GAREM1: variants seen among roughly 807,000 people sequenced by gnomAD.
The protein encoded by GAREM1 is GRB2-associated and regulator of MAPK protein 1.
A neutral mutation model predicts 71.3 loss-of-function variants in GAREM1; 26 were observed. That is an observed-to-expected ratio of 0.36 (90% CI 0.27 to 0.51). The LOEUF (loss-of-function observed/expected upper bound fraction) is 0.51. Ranked by LOEUF, GAREM1 falls within the 20% of genes least tolerant of loss-of-function variation. GAREM1 has a pLI of 0.95. For missense variants in GAREM1, 1,026 were observed against 1,103.1 expected (o/e 0.93, Z 0.99); for synonymous variants, 440 against 433.2 (o/e 1.02, Z -0.20).
At chr18:32,293,615 A>T (rs1449229389) in intron 3 of GAREM1, among the ~76,000 whole-genome samples, 1 of 152,220 alleles carries the variant, frequency 6.6e-6, no homozygotes, top group Non-Finnish European at 1.5e-5. Flanking sequence ...TTTATATAAG[A>T]ATCATCAATA....
chr18:32,303,052 C>T (rs1326008812), intron 3 of GAREM1, among the ~76,000 whole-genome samples: 1 of 152,144 alleles, frequency 6.6e-6, no homozygotes, highest in Non-Finnish European at 1.5e-5. Flanking sequence ...GCAGAGGCAG[C>T]GACTGTATGC....
At chr18:32,272,197 T>C (rs1054337181) in intron 4 of GAREM1, among the ~76,000 whole-genome samples, 7 of 152,156 alleles carry the variant, frequency 4.6e-5, no homozygotes, top group African/African-American at 1.7e-4. Flanking sequence ...CCGGGACCTC[T>C]ACCTCGCATC....
chr18:32,443,362 G>A (rs1206612471), intron 1 of GAREM1, among the ~76,000 whole-genome samples: 3 of 152,088 alleles, frequency 2.0e-5, no homozygotes, highest in African/African-American at 7.2e-5. Flanking sequence ...AACCCATATA[G>A]TAGAAGAAAG....
At chr18:32,440,483 GA>G (rs1236303742) in intron 1 of GAREM1, among the ~76,000 whole-genome samples, 1 of 152,190 alleles carries the variant, frequency 6.6e-6, no homozygotes, top group Non-Finnish European at 1.5e-5. Flanking sequence ...AGCACATTCA[GA>G]AAATGTAATG....
intron 1 of GAREM1, among the ~76,000 whole-genome samples, chr18:32,403,840 A>C (rs2048340387): frequency 6.6e-6 from 1 of 152,216 alleles, no homozygotes; most frequent in Admixed American, 6.5e-5. Context: ...GAGTACGTGA[A>C]TCTTAGATCA....
At chr18:32,330,470 T>C (rs1391110129) in intron 2 of GAREM1, among the ~76,000 whole-genome samples, 1 of 152,168 alleles carries the variant, frequency 6.6e-6, no homozygotes, top group Non-Finnish European at 1.5e-5. Flanking sequence ...TGTACTCATA[T>C]AACAAACCTG....
intron 2 of GAREM1, among the ~76,000 whole-genome samples, chr18:32,382,771 T>C (rs780145000): frequency 2.6e-5 from 4 of 152,096 alleles, no homozygotes; most frequent in Non-Finnish European, 4.4e-5. Context: ...GGAGCAGTTT[T>C]GATAGGAATT....
chr18:32,391,302 A>G (rs1411516415), intron 2 of GAREM1, among the ~76,000 whole-genome samples: 2 of 152,174 alleles, frequency 1.3e-5, no homozygotes, highest in Non-Finnish European at 2.9e-5. Flanking sequence ...AGAAAAGATC[A>G]GTTTGGAGAA....
At chr18:32,282,732 T>C (rs371178307) in intron 4 of GAREM1, among the ~76,000 whole-genome samples, 12 of 152,306 alleles carry the variant, frequency 7.9e-5, no homozygotes, top group African/African-American at 2.6e-4. Context: ...TTGATAACCA[T>C]TTGTAACTCA....
intron 1 of GAREM1, among the ~76,000 whole-genome samples, chr18:32,460,116 A>C (rs988010276): frequency 2.6e-5 from 2 of 75,916 alleles, no homozygotes; most frequent in African/African-American, 1.8e-4. Flanking sequence ...CATCTTATTT[A>C]AAAAAAAAAA....
chr18:32,434,688 T>C (rs1277991070), intron 1 of GAREM1, among the ~76,000 whole-genome samples: 4 of 151,990 alleles, frequency 2.6e-5, no homozygotes, highest in Non-Finnish European at 4.4e-5. Context: ...AAATCTTCTC[T>C]ACAGAAGAAT....
At chr18:32,469,332 G>A (rs1316731392) in intron 1 of GAREM1, among the ~76,000 whole-genome samples, 1 of 152,100 alleles carries the variant, frequency 6.6e-6, no homozygotes, top group African/African-American at 2.4e-5. Context: ...TCACAGCTCT[G>A]CCTGCCTGCC....
intron 1 of GAREM1, among the ~76,000 whole-genome samples, chr18:32,456,636 T>C (rs2048891740): frequency 6.6e-6 from 1 of 152,086 alleles, no homozygotes; most frequent in Admixed American, 6.6e-5. Context: ...GGTAATTGCA[T>C]AGGAAATGAA....
chr18:32,269,486 A>C (rs2041426236), intron 5 of GAREM1, among the ~76,000 whole-genome samples: 1 of 152,138 alleles, frequency 6.6e-6, no homozygotes, highest in Non-Finnish European at 1.5e-5. Flanking sequence ...GATGTCGGGG[A>C]AACAGTAGAG....
chr18:32,349,979 C>A lies in GAREM1; in HGVS notation c.263-39656G>T, dbSNP rs550927117. On this transcript the variant is annotated intron_variant, in intron 2 of 5. Transcript: ENST00000269209. ...CATCATCATGACAACTCTGGCAGGG[C>A]TCCAAGTGTCTGAAGCAGAACGAAG... Among the ~76,000 whole-genome samples, 5 of 152,312 alleles carry A rather than the reference C, an allele frequency of 3.3e-5. No homozygotes were observed. The East Asian group carries it at 9.6e-4, about 29-fold the overall frequency.
chr18:32,341,435 A>G (rs1018413136), intron 2 of GAREM1, among the ~76,000 whole-genome samples: 17 of 152,318 alleles, frequency 1.1e-4, no homozygotes, highest in Middle Eastern at 3.4e-3. Flanking sequence ...GTCACAATAA[A>G]CATACATGTG....
At chr18:32,357,543 G>A (rs1035240995) in intron 2 of GAREM1, among the ~76,000 whole-genome samples, 3 of 152,164 alleles carry the variant, frequency 2.0e-5, no homozygotes, top group East Asian at 1.9e-4. Context: ...CACAGGACCC[G>A]AAGGGATAGC....
intron 2 of GAREM1, among the ~76,000 whole-genome samples, chr18:32,368,590 G>A (rs1567982621): frequency 1.3e-5 from 2 of 152,108 alleles, no homozygotes; most frequent in Non-Finnish European, 2.9e-5. Flanking sequence ...CCTCTAGATG[G>A]CAGGAAGTCT....
At chr18:32,364,902 A>G (rs1456392667) in intron 2 of GAREM1, among the ~76,000 whole-genome samples, 1 of 151,958 alleles carries the variant, frequency 6.6e-6, no homozygotes, top group Non-Finnish European at 1.5e-5. Context: ...ACACACACAC[A>G]CAAATCAAAC....
Sources: gnomAD v4.1 joint callset for allele counts (sites outside exome capture counted in the v4.1 genomes callset) on GRCh38, gnomAD v4.1.1 for gene constraint, MANE v1.5 for transcripts, NCBI Gene and HGNC (gene_info 2026-07-23, HGNC 2026-07-21) for gene names.